Variants in TMEM164 observed in about 807,000 individuals in gnomAD.
TMEM164 encodes the protein transmembrane protein 164.
In TMEM164, 4 loss-of-function variants were observed where a neutral mutation model predicts 18.8. The observed-to-expected ratio is 0.21, with a 90% confidence interval of 0.10 to 0.49. The LOEUF (loss-of-function observed/expected upper bound fraction) is 0.49, where lower values mean the gene tolerates loss of function less well. TMEM164 is among the 20% of genes least tolerant of loss of function. The probability of loss-of-function intolerance (pLI) is 0.98; values close to 1 mark genes in which losing one functional copy is unlikely to be tolerated. For synonymous variants in TMEM164, 86 were observed against 101.7 expected, an observed-to-expected ratio of 0.85 and a Z score of 0.93; for missense variants, 108 against 239.9, an observed-to-expected ratio of 0.45 and a Z score of 3.63.
intron 5 of TMEM164, among the ~76,000 whole-genome samples, chrX:110,166,778 G>GA (rs1261252130): frequency 8.9e-6 from 1 of 112,142 alleles, no homozygotes; most frequent in Non-Finnish European, 1.9e-5. Flanking sequence ...TCTTAAAGGA[G>GA]AAAAAGGTTT....
At chrX:110,037,454 C>T (rs1934863238) in intron 2 of TMEM164, among the ~76,000 whole-genome samples, 1 of 111,800 alleles carries the variant, frequency 8.9e-6, no homozygotes, top group Non-Finnish European at 1.9e-5. Flanking sequence ...AAAACCCAGC[C>T]ACATCAGAAA....
intron 2 of TMEM164, among the ~76,000 whole-genome samples, chrX:110,029,094 G>A (rs1184215925): frequency 9.0e-6 from 1 of 111,165 alleles, no homozygotes; most frequent in African/African-American, 3.3e-5. Context: ...TGGGTGGGCT[G>A]GGTAAATTGG....
intron 2 of TMEM164, among the ~76,000 whole-genome samples, chrX:110,023,705 C>T (rs1032296497): frequency 3.6e-5 from 4 of 111,680 alleles, no homozygotes; most frequent in African/African-American, 9.8e-5. Flanking sequence ...AGGGAGGTTA[C>T]GTAACATACC....
At chrX:110,048,150 C>T (rs1227120273) in intron 2 of TMEM164, among the ~76,000 whole-genome samples, 2 of 108,844 alleles carry the variant, frequency 1.8e-5, no homozygotes, top group Admixed American at 1.9e-4. Context: ...ATCTTTGTAA[C>T]CTCTATACTA....
intron 3 of TMEM164, among the ~76,000 whole-genome samples, chrX:110,104,496 G>T (rs1021948725): frequency 1.4e-4 from 16 of 112,043 alleles, no homozygotes; most frequent in African/African-American, 4.9e-4. Flanking sequence ...ATGCTGAAGT[G>T]CTCCCAAGAA....
At chrX:110,149,125 C>A (rs1464052338) in intron 5 of TMEM164, among the ~76,000 whole-genome samples, 1 of 110,233 alleles carries the variant, frequency 9.1e-6, no homozygotes, top group Non-Finnish European at 1.9e-5. Flanking sequence ...TCAAGAGAAG[C>A]CCCATAATAT....
At chrX:110,081,657 A>C (rs1161542480) in intron 3 of TMEM164, among the ~76,000 whole-genome samples, 1 of 112,573 alleles carries the variant, frequency 8.9e-6, no homozygotes, top group African/African-American at 3.2e-5. Context: ...AAAAGTATGA[A>C]AGCATCTTAT....
chrX:110,025,812 C>T (rs189523740), intron 2 of TMEM164, among the ~76,000 whole-genome samples: 8 of 111,998 alleles, frequency 7.1e-5, no homozygotes, highest in Admixed American at 2.8e-4. Context: ...ATTACACCCA[C>T]GACCCTCATT....
At chrX:110,091,341 C>G (rs765689203) in intron 3 of TMEM164, among the ~76,000 whole-genome samples, 1 of 112,056 alleles carries the variant, frequency 8.9e-6, no homozygotes, top group East Asian at 2.8e-4. Context: ...AAAAGTGTTC[C>G]TATTTCTCCA....
At chrX:110,082,446 CT>C (rs2065773381) in intron 3 of TMEM164, among the ~76,000 whole-genome samples, 1 of 111,867 alleles carries the variant, frequency 8.9e-6, no homozygotes, top group South Asian at 3.7e-4. Context: ...TCCTGAAGAG[CT>C]ATCTACCAGT....
intron 5 of TMEM164, among the ~76,000 whole-genome samples, chrX:110,150,329 G>T (rs1230278000): frequency 1.8e-5 from 2 of 111,824 alleles, no homozygotes; most frequent in Admixed American, 1.9e-4. Flanking sequence ...GGGAGTGGAT[G>T]ACACTGGGCC....
chrX:110,035,005 G>C (rs1255119502), intron 2 of TMEM164, among the ~76,000 whole-genome samples: 1 of 98,008 alleles, frequency 1.0e-5, no homozygotes, highest in Non-Finnish European at 2.0e-5. Flanking sequence ...TCACTCATTG[G>C]TGGGAATTGA....
chrX:110,095,095 T>C (rs940676334), intron 3 of TMEM164, among the ~76,000 whole-genome samples: 1 of 112,211 alleles, frequency 8.9e-6, no homozygotes, highest in African/African-American at 3.2e-5. Context: ...GACCTTTCTC[T>C]CTGGCTGCCC....
chrX:110,091,752 C>T (rs950604870), intron 3 of TMEM164, among the ~76,000 whole-genome samples: 1 of 111,916 alleles, frequency 8.9e-6, no homozygotes, highest in South Asian at 3.6e-4. Context: ...GTTGCCATTG[C>T]TTTTGGTGTT....
intron 2 of TMEM164, among the ~76,000 whole-genome samples, chrX:110,041,853 C>A (rs748236158): frequency 9.0e-6 from 1 of 111,205 alleles, no homozygotes; most frequent in African/African-American, 3.3e-5. Context: ...ACACTCCAGT[C>A]AAGATAGAGA....
chrX:110,074,185 G>A lies in TMEM164; in HGVS notation c.440+6789G>A, dbSNP rs759718022. 1.6e-4 allele frequency among the ~76,000 whole-genome samples: 18 copies of A among 111,335 alleles called. No homozygotes were observed. In the South Asian group the frequency reaches 6.4e-3, roughly 40 times the overall value. ...GAGCCACCACGCTTGACCTGATTGT[G>A]GTTTGATTTGCATTTCTCTGTTAGT... On this transcript the variant is annotated intron_variant, in intron 3 of 6. Coordinates refer to ENST00000372068, the MANE Select transcript of TMEM164 (RefSeq NM_032227.4).
intron 4 of TMEM164, among the ~76,000 whole-genome samples, chrX:110,123,603 G>A (rs1266302669): frequency 1.8e-5 from 2 of 111,979 alleles, no homozygotes; most frequent in African/African-American, 6.5e-5. Context: ...TTTGGTTAAT[G>A]GACACTCTGA....
intron 4 of TMEM164, among the ~76,000 whole-genome samples, chrX:110,134,160 G>A (rs1204053835): frequency 9.0e-6 from 1 of 111,512 alleles, no homozygotes; most frequent in African/African-American, 3.3e-5. Context: ...GCTAGGGGAA[G>A]GCACCTGATG....
At position 110,177,156 on chromosome X, in the gene TMEM164, A is replaced by G. The variant is rs2067299313; in HGVS notation, c.*3705A>G. ...TGCTACTCATGGCAAGAAACAGACA[A>G]AGCCCCATGAAAAATAAAACAAAAC... On this transcript the variant is annotated 3_prime_UTR_variant, in exon 7 of 7. Coordinates refer to ENST00000372068, the MANE Select transcript of TMEM164 (RefSeq NM_032227.4). 1 of 113,008 alleles carries G rather than the reference A, an allele frequency of 8.8e-6. No homozygotes were observed. The highest frequency in any genetic ancestry group is 3.2e-5 in the African/African-American group (1 of 31,079). The allele number at this position is 113,008 out of a possible 1,213,427, so 9.3% of individuals were successfully genotyped here. A position where few individuals can be genotyped will look rare whatever the true frequency, so the allele number is the denominator to read the frequency against.
Sources: gnomAD v4.1 joint callset for allele counts (sites outside exome capture counted in the v4.1 genomes callset) on GRCh38, gnomAD v4.1.1 for gene constraint, MANE v1.5 for transcripts, NCBI Gene and HGNC (gene_info 2026-07-23, HGNC 2026-07-21) for gene names.